Variants in MXRA5 observed in about 807,000 individuals in gnomAD.
MXRA5 encodes matrix-remodeling-associated protein 5.
Under a neutral mutation model 112.5 loss-of-function variants are expected in MXRA5, and 41 were observed. The observed-to-expected ratio is 0.36, with a 90% CI of 0.28 to 0.47. MXRA5 has a LOEUF of 0.47. Among genes scored for constraint, MXRA5 ranks in the 20% least tolerant of loss-of-function variants. The probability of loss-of-function intolerance (pLI) is 0.99; values close to 1 mark genes in which losing one functional copy is unlikely to be tolerated. For missense variants in MXRA5, 2,150 were observed against 2,251.0 expected (o/e 0.96, Z 0.91); for synonymous variants, 862 against 900.8 (o/e 0.96, Z 0.77).
chrX:3,311,306 C>G lies in MXRA5; in HGVS notation c.6897G>C (p.Lys2299Asn), dbSNP rs1569180434. The change falls in exon 7 of 7, where the codon AAG becomes AAC. Residue 2299 changes from lysine (K) to asparagine (N), a missense_variant. By Grantham distance (94) the Lys-to-Asn change is moderately conservative (BLOSUM62 0). Transcript: ENST00000217939. ...TCCCATTGTTGAAGACGACATAGCGCTTGGTGCGTCCACCGCTGTCATCCG... is the reference window on the plus strand; with the variant it reads ...TCCCATTGTTGAAGACGACATAGCGGTTGGTGCGTCCACCGCTGTCATCCG... ...MQSDDSGGRT[K>N]RYVVFNNGTL... 3.3e-6 allele frequency: 4 copies of G among 1,210,211 alleles called. No homozygotes were observed. Among genetic ancestry groups the G allele is most frequent in the Non-Finnish European group, 3.4e-6 (3 of 895,269 alleles).
At position 3,310,886 on chromosome X, in the gene MXRA5, T is replaced by C. The variant is rs1314560915; in HGVS notation, c.7317A>G (p.Pro2439=). 1.7e-6 allele frequency: 2 copies of C among 1,209,192 alleles called. No individual in the cohort carries two copies. The highest frequency in any genetic ancestry group is 2.2e-6 in the Non-Finnish European group (2 of 895,056). The change falls in exon 7 of 7, where the codon CCA becomes CCG. Residue 2439 remains proline, a synonymous_variant. Coordinates refer to ENST00000217939, the MANE Select transcript of MXRA5 (RefSeq NM_015419.4). ...KTVWIHVNVQ[P]PKINGNPNPI... Reference sequence around the variant, plus strand: ...GGTTGGGGTTACCGTTGATCTTGGGTGGCTGGACGTTGACGTGAATCCACA... The same window carrying C: ...GGTTGGGGTTACCGTTGATCTTGGGCGGCTGGACGTTGACGTGAATCCACA...
Position 3,323,640 on chromosome X carries a change from C to T in MXRA5, c.2045G>A (p.Arg682His), listed in dbSNP as rs745871213. 23 of 1,208,970 alleles carry T rather than the reference C, an allele frequency of 1.9e-5. No individual in the cohort carries two copies. Among genetic ancestry groups the T allele is most frequent in the Middle Eastern group, 2.3e-4 (1 of 4,372 alleles). ...TCTGGAAAGAGCCTTTGCACCTGGG[C>T]GTCTGCCTCTTTTGGATGGCAAGCC... is the stretch of plus-strand genomic sequence containing the variant. ...GSGLPSKRGR[R>H]PGAKALSRVR... Residue 682 changes from arginine to histidine, a missense_variant, in exon 5 of 7, where the codon CGC becomes CAC. Arg to His is a conservative substitution (Grantham distance 29, BLOSUM62 0). Transcript: ENST00000217939.
chrX:3,342,811 A>G (rs1481833679), intron 2 of MXRA5, among the ~76,000 whole-genome samples: 1 of 111,556 alleles, frequency 9.0e-6, no homozygotes, highest in Non-Finnish European at 1.9e-5. Flanking sequence ...AATGGAGGAG[A>G]GTTTTTTCTT....
chrX:3,321,930 G>A lies in MXRA5; in HGVS notation c.3755C>T (p.Ala1252Val), dbSNP rs749634825. 14 of 1,208,499 alleles carry A rather than the reference G, an allele frequency of 1.2e-5. 1 individual carries two copies. Among genetic ancestry groups the A allele is most frequent in the Admixed American group, 8.8e-5 (4 of 45,626 alleles). The change falls in exon 5 of 7, where the codon GCG becomes GTG. Residue 1252 changes from alanine to valine, a missense_variant. This residue lies in a region of MXRA5 where 1,485 missense variants were observed against 1,471.6 expected (regional missense o/e 1.01). Transcript: ENST00000217939. ...AGAAGGGCTGGGCTTGGATCCGGAC[G>A]CTCTTGAGCTCACTGTAGAAGGGGT... is the stretch of plus-strand genomic sequence containing the variant. ...RYTPSTVSSR[A>V]SGSKPSPSPE... is the part of the protein sequence containing the mutation.
chrX:3,321,509 C>G lies in MXRA5; in HGVS notation c.4176G>C (p.Gln1392His), dbSNP rs774537357. ...PSRTAQPGRL[Q>H]TGIPVTTSGE... The stretch of plus-strand genomic sequence containing the variant: ...CAGAAGTGGTAACAGGTATGCCTGT[C>G]TGTAGCCTCCCAGGCTGGGCCGTCC... The change falls in exon 5 of 7, where the codon CAG (glutamine) becomes CAC (histidine). Residue 1392 changes from glutamine to histidine, a missense_variant. By Grantham distance (24) the Gln-to-His change is conservative. Coordinates refer to ENST00000217939, the MANE Select transcript of MXRA5 (RefSeq NM_015419.4). 1 of 1,210,826 alleles carries G rather than the reference C, an allele frequency of 8.3e-7. No homozygotes were observed. Among genetic ancestry groups the G allele is most frequent in the Non-Finnish European group, 1.1e-6 (1 of 895,019 alleles).
In MXRA5 at chrX:3,310,610, C is replaced by T; in HGVS notation, c.7593G>A (p.Leu2531=). The T allele has an allele frequency of 1.2e-6, 1 of 866,195 alleles. No homozygotes were observed. The highest frequency in any genetic ancestry group is 2.9e-5 in the Admixed American group (1 of 34,458). 71.4% of individuals were successfully genotyped at this position (866,195 alleles called of 1,213,427 possible). Residue 2531 remains leucine (L), a synonymous_variant, in exon 7 of 7, where the codon CTG becomes CTA. Transcript: ENST00000217939. ...CCATGGGCTCCAGGACAGTGAGCTG[C>T]AGGATCAACCTGGCCTCCCCTCCCT... ...RNEGGEARLI[L]QLTVLEPMEK...
rs1366693155 is a variant in MXRA5 at position 3,308,582 on chromosome X, T to C, written c.*1134A>G. On this transcript the variant is annotated 3_prime_UTR_variant, in exon 7 of 7. Transcript: ENST00000217939. ...CTGCCCGGTTTTTGGGAGAATATTA[T>C]TTTATTATCAAATGTACAGTATATT... 1 of 112,138 alleles carries C rather than the reference T, an allele frequency of 8.9e-6. No individual in the cohort carries two copies. Among genetic ancestry groups the C allele is most frequent in the Non-Finnish European group, 1.9e-5 (1 of 53,303 alleles). The allele number at this position is 112,138 out of a possible 1,213,427, so 9.2% of individuals were successfully genotyped here. A position where few individuals can be genotyped will look rare whatever the true frequency, so the allele number is the denominator to read the frequency against.
chrX:3,324,575 G>A lies in MXRA5; in HGVS notation c.1110C>T (p.Thr370=), dbSNP rs1921409280. The change falls in exon 5 of 7, where the codon ACC becomes ACT. Residue 370 remains threonine (T), a synonymous_variant. Coordinates refer to ENST00000217939, the MANE Select transcript of MXRA5 (RefSeq NM_015419.4). ...TCCATAGCTTTTCATAGTTTTCTCG[G>A]GTCATTGGACACTCAAAGTCCAAGG... ...TVALDFECPM[T]RENYEKLWKL... 1 of 1,211,081 alleles carries A rather than the reference G, an allele frequency of 8.3e-7. No homozygotes were observed. Among genetic ancestry groups the A allele is most frequent in the Non-Finnish European group, 1.1e-6 (1 of 895,177 alleles).
At position 3,324,011 on chromosome X, in the gene MXRA5, T is replaced by C; in HGVS notation, c.1674A>G (p.Gln558=). 8.3e-7 allele frequency: 1 copy of C among 1,205,562 alleles called. No individual in the cohort carries two copies. The highest frequency in any genetic ancestry group is 1.1e-6 in the Non-Finnish European group (1 of 891,861). The change falls in exon 5 of 7, where the codon CAA becomes CAG. Residue 558 remains glutamine (Q), a synonymous_variant. Coordinates refer to ENST00000217939, the MANE Select transcript of MXRA5 (RefSeq NM_015419.4). ...CCATGCGGTCCATTTCATCCCTCAC[T>C]TGAGCAATGCACTGGTACAAGCCTG... is the stretch of plus-strand genomic sequence containing the variant. ...SDSGLYQCIA[Q]VRDEMDRMVY...
At position 3,317,456 on chromosome X, in the gene MXRA5, G is replaced by A. The variant is rs754779175; in HGVS notation, c.6225C>T (p.Pro2075=). 3.3e-6 allele frequency: 4 copies of A among 1,195,937 alleles called. No individual in the cohort carries two copies. The South Asian group carries it at 7.3e-5, about 22-fold the overall frequency. The change falls in exon 6 of 7, where the codon CCC becomes CCT. Residue 2075 remains proline, a synonymous_variant. Coordinates refer to ENST00000217939, the MANE Select transcript of MXRA5 (RefSeq NM_015419.4). ...CGAGCACCCAGCGCACGCTGGGCAG[G>A]GGCGCAGCCTTGGCAGTGCAGTGAA... The part of the protein sequence containing the change: ...IHIHCTAKAA[P]LPSVRWVLGD...
In MXRA5 at chrX:3,310,920, C is replaced by T. The variant is rs1920981663; in HGVS notation, c.7283G>A (p.Arg2428Lys). ...GTTGACGTGAATCCACACCGTCTTC[C>T]TATCCTCTCCCGCGCTGTTCCTGAC... is the stretch of plus-strand genomic sequence containing the variant. Reference protein sequence around the residue: ...CLVRNSAGEDRKTVWIHVNVQ... With the variant: ...CLVRNSAGEDKKTVWIHVNVQ... Residue 2428 changes from arginine to lysine, a missense_variant, in exon 7 of 7, where the codon AGG (arginine) becomes AAG (lysine). Arg to Lys is a conservative substitution (Grantham distance 26). This residue lies in a region of MXRA5 where 1,485 missense variants were observed against 1,471.6 expected (regional missense o/e 1.01). Transcript: ENST00000217939. 1 of 1,209,640 alleles carries T rather than the reference C, an allele frequency of 8.3e-7. No homozygotes were observed. The highest frequency in any genetic ancestry group is 1.8e-5 in the African/African-American group (1 of 57,050).
In MXRA5 at chrX:3,324,376, T is replaced by C; in HGVS notation, c.1309A>G (p.Ile437Val). The change falls in exon 5 of 7, where the codon ATA becomes GTA. Residue 437 changes from isoleucine to valine, a missense_variant. Coordinates refer to ENST00000217939, the MANE Select transcript of MXRA5 (RefSeq NM_015419.4). The part of the protein sequence containing the change: ...AEPEWVMQPS[I>V]DIQLNRRQST... ...TGACGTCGGTTCAGCTGGATATCTATGGATGGCTGCATGACCCATTCTGGT... is the reference window on the plus strand; with the variant it reads ...TGACGTCGGTTCAGCTGGATATCTACGGATGGCTGCATGACCCATTCTGGT... 2.5e-6 allele frequency: 3 copies of C among 1,211,754 alleles called. No homozygotes were observed. Among genetic ancestry groups the C allele is most frequent in the Non-Finnish European group, 3.3e-6 (3 of 895,549 alleles).
chrX:3,339,340 C>T (rs962473539), intron 2 of MXRA5, among the ~76,000 whole-genome samples: 1 of 110,694 alleles, frequency 9.0e-6, no homozygotes, highest in Admixed American at 9.7e-5. Flanking sequence ...TCTTGGCTCA[C>T]TGCAAGCTCT....
At chrX:3,340,812 C>T (rs1358164981) in intron 2 of MXRA5, among the ~76,000 whole-genome samples, 1 of 104,516 alleles carries the variant, frequency 9.6e-6, no homozygotes, top group Non-Finnish European at 1.9e-5. Flanking sequence ...CTTGTTGGTG[C>T]TGTAAGTCTC....
At chrX:3,339,025 C>T (rs1196248180) in intron 2 of MXRA5, among the ~76,000 whole-genome samples, 1 of 110,875 alleles carries the variant, frequency 9.0e-6, no homozygotes, top group Non-Finnish European at 1.9e-5. Flanking sequence ...CAGAATGGCT[C>T]ATACTAAAGC....
chrX:3,325,767 T>A (rs1432572392), intron 4 of MXRA5, among the ~76,000 whole-genome samples: 1 of 102,694 alleles, frequency 9.7e-6, no homozygotes, highest in Non-Finnish European at 2.0e-5. Flanking sequence ...TTTACTTTTT[T>A]AAGTCATGAT....
At position 3,330,136 on chromosome X, in the gene MXRA5, A is replaced by G; in HGVS notation, c.591T>C (p.Thr197=). ...TGTTCCGAAGCATGCTGGCAGGAAG[A>G]GTTCTAACCATGTTCTCTGCTAAGT... ...HLYLAENMVR[T]LPASMLRNMP... is the part of the protein sequence containing the mutation. The change falls in exon 4 of 7, where the codon ACT becomes ACC. Residue 197 remains threonine (T), a synonymous_variant. Transcript: ENST00000217939. 8.3e-7 allele frequency: 1 copy of G among 1,209,523 alleles called. No homozygotes were observed. Among genetic ancestry groups the G allele is most frequent in the Non-Finnish European group, 1.1e-6 (1 of 894,345 alleles).
At chrX:3,339,940 TTA>T (rs1921876107) in intron 2 of MXRA5, among the ~76,000 whole-genome samples, 1 of 111,930 alleles carries the variant, frequency 8.9e-6, no homozygotes, top group African/African-American at 3.2e-5. Flanking sequence ...ATTTGCAAAA[TTA>T]TGTCTTCGGT....
chrX:3,332,822 T>C (rs1022640393), intron 2 of MXRA5, among the ~76,000 whole-genome samples: 4 of 111,828 alleles, frequency 3.6e-5, no homozygotes, highest in African/African-American at 1.3e-4. Flanking sequence ...TTAACACTGG[T>C]GAGAGGTAAA....
Sources: allele counts gnomAD v4.1 joint callset (sites outside exome capture counted in the v4.1 genomes callset), GRCh38; gene constraint gnomAD v4.1.1; regional missense constraint gnomAD v4.1.1; transcripts MANE v1.5; gene names NCBI Gene and HGNC (gene_info 2026-07-23, HGNC 2026-07-21).